Variants in RNF144A observed in about 807,000 individuals in gnomAD.
RNF144A encodes ring finger protein 144A.
Under a neutral mutation model 38.7 loss-of-function variants are expected in RNF144A, and 11 were observed. That is an observed-to-expected ratio of 0.28 (90% CI 0.18 to 0.47). The LOEUF is 0.47. Among genes scored for constraint, RNF144A ranks in the 20% least tolerant of loss-of-function variants. The pLI, the probability that RNF144A is intolerant of heterozygous loss-of-function variation, is 0.99. For synonymous variants in RNF144A, 149 were observed against 143.9 expected (o/e 1.04, Z -0.25); for missense variants, 316 against 377.2 (o/e 0.84, Z 1.34).
At chr2:7,005,046 T>C (rs1670351325) in intron 3 of RNF144A, among the ~76,000 whole-genome samples, 1 of 152,240 alleles carries the variant, frequency 6.6e-6, no homozygotes, top group Non-Finnish European at 1.5e-5. Context: ...ATCTCTGCAT[T>C]TTCTGTGAGA....
intron 6 of RNF144A, among the ~76,000 whole-genome samples, chr2:7,049,741 T>C (rs1673444373): frequency 6.6e-6 from 1 of 152,134 alleles, no homozygotes; most frequent in African/African-American, 2.4e-5. Context: ...CTGGGAGTTA[T>C]TACAAACACC....
chr2:7,040,809 T>C lies in RNF144A; in HGVS notation c.*1049T>C, dbSNP rs1673001495. 1 of 985,344 alleles carries C rather than the reference T, an allele frequency of 1.0e-6. No homozygotes were observed. Among genetic ancestry groups the C allele is most frequent in the African/African-American group, 1.7e-5 (1 of 57,258 alleles). The allele number at this position is 985,344 out of a possible 1,614,324, so 61.0% of individuals were successfully genotyped here. A position where few individuals can be genotyped will look rare whatever the true frequency, so the allele number is the denominator to read the frequency against. On this transcript the variant is annotated 3_prime_UTR_variant, in exon 9 of 9. Coordinates refer to ENST00000320892, the MANE Select transcript of RNF144A (RefSeq NM_014746.6). ...AGATTTTCACATTTTTAAAATGTTC[T>C]AGTCATTTTGAGAAATCATATATCT...
At chr2:6,994,123 T>C (rs970860607) in intron 2 of RNF144A, among the ~76,000 whole-genome samples, 1 of 152,174 alleles carries the variant, frequency 6.6e-6, no homozygotes, top group African/African-American at 2.4e-5. Flanking sequence ...AAGCGTGAAC[T>C]CTTTACCCTG....
chr2:6,936,833 TCACACACA>T (rs1191865479), intron 1 of RNF144A, among the ~76,000 whole-genome samples: 4 of 131,722 alleles, frequency 3.0e-5, no homozygotes, highest in Non-Finnish European at 6.6e-5. Flanking sequence ...TTTTTTCAAG[TCACACACA>T]GTAGTGTGTG....
intron 6 of RNF144A, 108 bp from the exon 7 acceptor site, chr2:7,024,261 A>T: frequency 9.9e-7 from 1 of 1,008,902 alleles, no homozygotes; most frequent in Non-Finnish European, 1.4e-6. Flanking sequence ...ATTTAATACC[A>T]AGAAAACTCA....
intron 2 of RNF144A, among the ~76,000 whole-genome samples, chr2:6,976,914 T>G (rs1298853363): frequency 6.6e-6 from 1 of 152,182 alleles, no homozygotes; most frequent in Non-Finnish European, 1.5e-5. Context: ...CTGATACGCC[T>G]TTGAAAATAT....
chr2:6,931,158 G>A (rs1665187868), intron 1 of RNF144A, among the ~76,000 whole-genome samples: 1 of 152,212 alleles, frequency 6.6e-6, no homozygotes, highest in South Asian at 2.1e-4. Flanking sequence ...TGCAGCGGTC[G>A]TGGTCAGTGC....
intron 2 of RNF144A, among the ~76,000 whole-genome samples, chr2:6,990,262 A>G (rs1393076840): frequency 6.6e-6 from 1 of 151,978 alleles, no homozygotes; most frequent in Non-Finnish European, 1.5e-5. Context: ...ATGGCCAAGA[A>G]AGAGCATGGG....
chr2:7,074,818 GAGAAGGGAAGAA>G, the RNF144A span: 1 of 153,370 alleles, frequency 6.5e-6, no homozygotes, highest in South Asian at 2.1e-4. Flanking sequence ...AAAGGAAGGA[GAGAAGGGAAGAA>G]AGAAGGAGGG....
At chr2:6,973,210 G>T (rs972542253) in intron 2 of RNF144A, among the ~76,000 whole-genome samples, 1 of 152,198 alleles carries the variant, frequency 6.6e-6, no homozygotes. Context: ...CCGAGCTGGG[G>T]TTCAAACTCA....
intron 2 of RNF144A, among the ~76,000 whole-genome samples, chr2:6,982,005 CA>C (rs1668662559): frequency 6.6e-6 from 1 of 152,150 alleles, no homozygotes. Flanking sequence ...AGAGAGCGCA[CA>C]GGGGAAACTG....
chr2:6,966,644 G>A (rs955971935), intron 2 of RNF144A, among the ~76,000 whole-genome samples: 2 of 152,208 alleles, frequency 1.3e-5, no homozygotes, highest in South Asian at 2.1e-4. Flanking sequence ...ACCTCCTGTC[G>A]TGCGTTTTGA....
chr2:6,925,044 C>T (rs947889337), intron 1 of RNF144A, among the ~76,000 whole-genome samples: 27 of 152,330 alleles, frequency 1.8e-4, no homozygotes, highest in South Asian at 8.3e-4. Context: ...GATTGCCACA[C>T]GGCGAATTTT....
At chr2:6,969,997 T>A (rs1344674604) in intron 2 of RNF144A, among the ~76,000 whole-genome samples, 3 of 152,234 alleles carry the variant, frequency 2.0e-5, no homozygotes, top group Non-Finnish European at 4.4e-5. Flanking sequence ...CCTGACCTTG[T>A]GATCCACCTG....
intron 2 of RNF144A, among the ~76,000 whole-genome samples, chr2:6,978,470 C>A (rs1046904642): frequency 1.3e-5 from 2 of 152,146 alleles, no homozygotes; most frequent in African/African-American, 4.8e-5. Context: ...GGGTAAAAAC[C>A]CAAGTTCGAA....
intron 2 of RNF144A, among the ~76,000 whole-genome samples, chr2:6,996,210 C>G (rs948392210): frequency 3.3e-5 from 5 of 152,222 alleles, no homozygotes; most frequent in Middle Eastern, 3.2e-3. Flanking sequence ...TGCTCTGACC[C>G]TTCCACCCAG....
chr2:7,040,632 C>G lies in RNF144A; in HGVS notation c.*872C>G. ...TATTGTATTCAATCCCACTGCTTTGCTCGGCAATGGTTCTCCTCCGAATTG... is the reference window on the plus strand; with the variant it reads ...TATTGTATTCAATCCCACTGCTTTGGTCGGCAATGGTTCTCCTCCGAATTG... On this transcript the variant is annotated 3_prime_UTR_variant, in exon 9 of 9. Coordinates refer to ENST00000320892, the MANE Select transcript of RNF144A (RefSeq NM_014746.6). The G allele has an allele frequency of 1.0e-6, 1 of 985,464 alleles. No individual in the cohort carries two copies. The highest frequency in any genetic ancestry group is 1.2e-6 in the Non-Finnish European group (1 of 829,946). 61.0% of individuals were successfully genotyped at this position (985,464 alleles called of 1,614,324 possible). A position where few individuals can be genotyped will look rare whatever the true frequency, so the allele number is the denominator to read the frequency against.
At chr2:6,946,756 A>G (rs184869929) in intron 2 of RNF144A, among the ~76,000 whole-genome samples, 123 of 152,148 alleles carry the variant, frequency 8.1e-4, no homozygotes, top group Non-Finnish European at 1.0e-3. Flanking sequence ...CTCGTTCTTG[A>G]GTATATTGAC....
At chr2:6,949,589 A>C (rs980448445) in intron 2 of RNF144A, among the ~76,000 whole-genome samples, 2 of 152,150 alleles carry the variant, frequency 1.3e-5, no homozygotes, top group Non-Finnish European at 2.9e-5. Flanking sequence ...CCTCTTTAGC[A>C]CCGAGCTGAG....
Sources: gnomAD v4.1 joint callset for allele counts (sites outside exome capture counted in the v4.1 genomes callset) on GRCh38, gnomAD v4.1.1 for gene constraint, MANE v1.5 for transcripts, NCBI Gene and HGNC (gene_info 2026-07-23, HGNC 2026-07-21) for gene names.